STAT5B: variants seen among roughly 807,000 people sequenced by gnomAD.
STAT5B encodes the protein signal transducer and activator of transcription 5B, also known as transcription factor STAT5B.
A neutral mutation model predicts 107.8 loss-of-function variants in STAT5B; 21 were observed. That is an observed-to-expected ratio of 0.19 (90% confidence interval 0.14 to 0.28). The LOEUF is 0.28. Ranked by LOEUF, STAT5B falls within the 10% of genes least tolerant of loss-of-function variation. The pLI is 1.00. For synonymous variants in STAT5B, 325 were observed against 401.7 expected, an observed-to-expected ratio of 0.81 and a Z score of 2.28; for missense variants, 565 against 1,008.2, an observed-to-expected ratio of 0.56 and a Z score of 5.95.
rs753166147 is a variant in STAT5B at position 42,218,223 on chromosome 17, G to A, written c.1097C>T (p.Pro366Leu). 1 of 1,614,178 alleles carries A rather than the reference G, an allele frequency of 6.2e-7. No individual in the cohort carries two copies. Among genetic ancestry groups the A allele is most frequent in the African/African-American group, 1.3e-5 (1 of 75,036 alleles). ...VGGKLNVHMN[P>L]PQVKATIISE... Reference sequence around the variant, plus strand: ...GATGATGGTGGCCTTCACCTGGGGGGGGTTCATGTGCACGTTCAGCTTCCC... The same window carrying A: ...GATGATGGTGGCCTTCACCTGGGGGAGGTTCATGTGCACGTTCAGCTTCCC... The change falls in exon 9 of 19, where the codon CCC becomes CTC. Residue 366 changes from proline to leucine, a missense_variant. Coordinates refer to ENST00000293328, the MANE Select transcript of STAT5B (RefSeq NM_012448.4).
the STAT5B span, among the ~76,000 whole-genome samples, chr17:42,283,790 TG>T: frequency 6.6e-6 from 1 of 152,114 alleles, no homozygotes; most frequent in African/African-American, 2.4e-5. Context: ...TGGACAAGAA[TG>T]GGGGTGGCAT....
upstream of STAT5B, among the ~76,000 whole-genome samples, chr17:42,277,190 TGA>T (rs1230710102): frequency 6.6e-6 from 1 of 152,176 alleles, no homozygotes; most frequent in African/African-American, 2.4e-5. Flanking sequence ...GAAGCCAGGC[TGA>T]GTCACCCACT....
intron 1 of STAT5B, among the ~76,000 whole-genome samples, chr17:42,262,239 TATCCTCCACCTCCCAGGCTCAAGCA>T (rs2080604974): frequency 6.6e-6 from 1 of 152,114 alleles, no homozygotes; most frequent in Non-Finnish European, 1.5e-5. Flanking sequence ...CAGCTCACTG[TATCCTCCACCTCCCAGGCTCAAGCA>T]ATCCTCCGAC....
At chr17:42,253,060 T>C (rs1468804382) in intron 1 of STAT5B, among the ~76,000 whole-genome samples, 1 of 152,190 alleles carries the variant, frequency 6.6e-6, no homozygotes, top group African/African-American at 2.4e-5. Context: ...AGATTAATGT[T>C]AGAAGGATGA....
chr17:42,263,698 T>C (rs910678367), intron 1 of STAT5B, among the ~76,000 whole-genome samples: 10 of 152,114 alleles, frequency 6.6e-5, no homozygotes, highest in Non-Finnish European at 2.9e-5. Flanking sequence ...AGCTAATTTT[T>C]TAATTTTTTG....
At position 42,223,492 on chromosome 17, in the gene STAT5B, G is replaced by A. The variant is rs768919211; in HGVS notation, c.440C>T (p.Thr147Met). The part of the protein sequence containing the change: ...MSQKHLQINQ[T>M]FEELRLVTQD... ...CGTGACCAGTCGCAGCTCCTCAAAC[G>A]TCTGGTTGATCTGGAGGTGTTTCTG... is the stretch of plus-strand genomic sequence containing the variant. The change falls in exon 5 of 19, where the codon ACG (threonine) becomes ATG (methionine). Residue 147 changes from threonine to methionine, a missense_variant. Physicochemically the swap from Thr to Met is moderately conservative, Grantham distance 81 (BLOSUM62 -1). Around this residue, in one of 11 missense-constraint regions of STAT5B, gnomAD observed 54 missense variants for 49.7 expected, o/e 1.09. Coordinates refer to ENST00000293328, the MANE Select transcript of STAT5B (RefSeq NM_012448.4). 15 of 1,613,990 alleles carry A rather than the reference G, an allele frequency of 9.3e-6. No homozygotes were observed. Among genetic ancestry groups the A allele is most frequent in the Non-Finnish European group, 1.2e-5 (14 of 1,180,044 alleles).
intron 1 of STAT5B, among the ~76,000 whole-genome samples, chr17:42,268,324 A>G (rs2080691905): frequency 6.6e-6 from 1 of 152,188 alleles, no homozygotes; most frequent in Non-Finnish European, 1.5e-5. Context: ...AATACAGTAT[A>G]CATGTTCCAC....
chr17:42,264,223 ATAC>A (rs1178100012), intron 1 of STAT5B, among the ~76,000 whole-genome samples: 5 of 151,662 alleles, frequency 3.3e-5, no homozygotes, highest in African/African-American at 1.2e-4. Context: ...ATTTATTATT[ATAC>A]TTTAAGTTTT....
intron 9 of STAT5B, chr17:42,217,791 G>C: frequency 1.1e-5 from 5 of 438,454 alleles, no homozygotes; most frequent in Non-Finnish European, 2.1e-5. Context: ...TGCAATCTCT[G>C]CCTCCCAGGT....
intron 1 of STAT5B, among the ~76,000 whole-genome samples, chr17:42,241,670 T>C (rs939363314): frequency 2.6e-5 from 4 of 152,136 alleles, no homozygotes; most frequent in Non-Finnish European, 5.9e-5. Flanking sequence ...CTTGAACTCC[T>C]GACCTCAAGT....
chr17:42,228,267 C>A (rs906226009), intron 2 of STAT5B, among the ~76,000 whole-genome samples: 2 of 152,134 alleles, frequency 1.3e-5, no homozygotes, highest in Admixed American at 1.3e-4. Context: ...TAGTTGCAGA[C>A]CCAGGACCTG....
Position 42,267,259 on chromosome 17 carries a change from G to A in STAT5B, c.-11+8989C>T, listed in dbSNP as rs1002695922. Among the ~76,000 whole-genome samples, 7 of 151,954 alleles carry A rather than the reference G, an allele frequency of 4.6e-5. No individual in the cohort carries two copies. In the South Asian group the frequency reaches 6.2e-4, roughly 13 times the overall value. Reference sequence around the variant, plus strand: ...TTATGTATTTACCATACTTTTTATCGTTATTTTAGAGTGTACTCCTTCTAC... The same window carrying A: ...TTATGTATTTACCATACTTTTTATCATTATTTTAGAGTGTACTCCTTCTAC... On this transcript the variant is annotated intron_variant, in intron 1 of 18. Coordinates refer to ENST00000293328, the MANE Select transcript of STAT5B (RefSeq NM_012448.4).
rs184941547 is a variant in STAT5B at position 42,210,725 on chromosome 17, C to G, written c.1681-228G>C. On this transcript the variant is annotated intron_variant, in intron 13 of 18. Transcript: ENST00000293328. ...ACCAGCACCCAGTGGGCTCCTGCTA[C>G]AGACACTTTCACCTGGGACTGGGCT... 1.7e-3 allele frequency: 872 copies of G among 525,740 alleles called. 1 individual carries two copies. Among genetic ancestry groups the G allele is most frequent in the Non-Finnish European group, 2.5e-3 (718 of 287,480 alleles). 32.6% of individuals were successfully genotyped at this position (525,740 alleles called of 1,614,324 possible). A position where few individuals can be genotyped will look rare whatever the true frequency, so the allele number is the denominator to read the frequency against.
At chr17:42,260,071 A>G (rs1335605164) in intron 1 of STAT5B, among the ~76,000 whole-genome samples, 2 of 152,220 alleles carry the variant, frequency 1.3e-5, no homozygotes, top group Non-Finnish European at 2.9e-5. Context: ...GGTAGCCTCT[A>G]GCAGCATGTG....
intron 16 of STAT5B, among the ~76,000 whole-genome samples, chr17:42,203,852 C>T (rs1308888521): frequency 6.6e-6 from 1 of 151,944 alleles, no homozygotes; most frequent in Non-Finnish European, 1.5e-5. Context: ...GTCTCGAACC[C>T]CTGACCTCAA....
intron 5 of STAT5B, among the ~76,000 whole-genome samples, chr17:42,221,616 T>C (rs1198890910): frequency 6.6e-6 from 1 of 152,144 alleles, no homozygotes; most frequent in East Asian, 1.9e-4. Context: ...GGAATAGCCA[T>C]CCCAAATCTT....
intron 16 of STAT5B, among the ~76,000 whole-genome samples, chr17:42,205,525 C>A (rs1215617045): frequency 1.3e-5 from 2 of 152,176 alleles, no homozygotes; most frequent in Non-Finnish European, 2.9e-5. Flanking sequence ...CATTCTCAAC[C>A]CAGGATTTTT....
rs758873047 is a variant in STAT5B, at chr17:42,218,346, G to A, written c.990-16C>T. 1.6e-5 allele frequency: 25 copies of A among 1,611,040 alleles called. No homozygotes were observed. Among genetic ancestry groups the A allele is most frequent in the Admixed American group, 3.3e-5 (2 of 59,920 alleles). ...GATGAACGTGCTGCAGGGGACACAG[G>A]GACAGATGCATGATGAGGGGCTGGT... On this transcript the variant is annotated splice_polypyrimidine_tract_variant and intron_variant, in intron 8 of 18. Transcript: ENST00000293328.
chr17:42,274,071 A>C (rs1187656834), intron 1 of STAT5B, among the ~76,000 whole-genome samples: 2 of 152,120 alleles, frequency 1.3e-5, no homozygotes, highest in African/African-American at 4.8e-5. Context: ...TATGAAGTAC[A>C]CACCTTAAAT....
Sources: gnomAD v4.1 joint callset for allele counts (sites outside exome capture counted in the v4.1 genomes callset) on GRCh38, gnomAD v4.1.1 for gene constraint, gnomAD v4.1.1 regional missense constraint, MANE v1.5 for transcripts, NCBI Gene and HGNC (gene_info 2026-07-23, HGNC 2026-07-21) for gene names.